AKAP19: variants seen among roughly 807,000 people sequenced by gnomAD.
AKAP19 encodes the protein A-kinase anchoring protein 19.
chr2:189,881,301 C>T, the AKAP19 span, among the ~76,000 whole-genome samples: 1 of 152,176 alleles, frequency 6.6e-6, no homozygotes, highest in Non-Finnish European at 1.5e-5. Flanking sequence ...GCCTCCCATT[C>T]TGTTCAGAGT....
At chr2:190,097,835 A>AACACAGTG in the AKAP19 span, among the ~76,000 whole-genome samples, 118 of 147,238 alleles carry the variant, frequency 8.0e-4, no homozygotes, top group African/African-American at 2.9e-3. Context: ...CAGCCTGAGC[A>AACACAGTG]ACACAGTGAG....
chr2:190,033,901 A>G, the AKAP19 span, among the ~76,000 whole-genome samples: 1 of 152,098 alleles, frequency 6.6e-6, no homozygotes, highest in Admixed American at 6.6e-5. Flanking sequence ...CTCCCCGCTC[A>G]TATCCAGTTT....
chr2:190,077,202 T>A, the AKAP19 span, among the ~76,000 whole-genome samples: 1 of 152,096 alleles, frequency 6.6e-6, no homozygotes, highest in South Asian at 2.1e-4. Flanking sequence ...TAAAGTTCTT[T>A]GCAAATTCCA....
the AKAP19 span, among the ~76,000 whole-genome samples, chr2:190,059,385 A>C: frequency 2.0e-5 from 3 of 151,944 alleles, no homozygotes; most frequent in Non-Finnish European, 4.4e-5. Context: ...AAATTTTTGC[A>C]CAAGAATGCT....
the AKAP19 span, among the ~76,000 whole-genome samples, chr2:190,143,225 G>GT: frequency 3.1e-4 from 42 of 135,130 alleles, no homozygotes; most frequent in South Asian, 1.6e-3. Flanking sequence ...GCTGCCTGGA[G>GT]TTTTTTTTAA....
At chr2:190,061,384 G>A in the AKAP19 span, among the ~76,000 whole-genome samples, 10,387 of 151,986 alleles carry the variant, frequency 0.068, 858 homozygotes, top group African/African-American at 0.2. Flanking sequence ...GGAATTGTAT[G>A]AAATATGTTA....
chr2:190,158,616 G>T, the AKAP19 span, among the ~76,000 whole-genome samples: 1 of 152,096 alleles, frequency 6.6e-6, no homozygotes, highest in African/African-American at 2.4e-5. Flanking sequence ...ATAGTATCAC[G>T]TTATCATTTA....
At chr2:189,923,810 G>A in the AKAP19 span, 1 of 1,611,878 alleles carries the variant, frequency 6.2e-7, no homozygotes, top group Non-Finnish European at 8.5e-7. Context: ...GGGCATAAGT[G>A]GCTTCAATTC....
At chr2:190,001,774 T>A in the AKAP19 span, among the ~76,000 whole-genome samples, 1 of 152,212 alleles carries the variant, frequency 6.6e-6, no homozygotes, top group East Asian at 1.9e-4. Context: ...AGGACCCTTT[T>A]AGTCTCCTAT....
the AKAP19 span, among the ~76,000 whole-genome samples, chr2:190,129,858 C>A: frequency 6.6e-6 from 1 of 152,092 alleles, no homozygotes; most frequent in South Asian, 2.1e-4. Context: ...GTGAGACAGG[C>A]CTTCTCTGTC....
chr2:189,932,733 A>C, the AKAP19 span, among the ~76,000 whole-genome samples: 8 of 151,306 alleles, frequency 5.3e-5, no homozygotes, highest in Non-Finnish European at 1.0e-4. Flanking sequence ...AGAATCCATT[A>C]CTATCATTAG....
the AKAP19 span, among the ~76,000 whole-genome samples, chr2:190,037,661 T>G: frequency 1.3e-5 from 2 of 152,204 alleles, no homozygotes; most frequent in Admixed American, 6.5e-5. Context: ...AAGGCTCAGC[T>G]AATACCCAAG....
chr2:189,994,392 T>C, the AKAP19 span, among the ~76,000 whole-genome samples: 6 of 151,910 alleles, frequency 3.9e-5, no homozygotes, highest in African/African-American at 1.5e-4. Flanking sequence ...GACCTTAAGA[T>C]TGTCTGTTTA....
At chr2:190,009,097 G>A in the AKAP19 span, among the ~76,000 whole-genome samples, 1 of 152,166 alleles carries the variant, frequency 6.6e-6, no homozygotes, top group Non-Finnish European at 1.5e-5. Context: ...GGAATAGCTA[G>A]AAGACCACTG....
the AKAP19 span, among the ~76,000 whole-genome samples, chr2:190,089,214 G>A: frequency 5.3e-5 from 8 of 151,850 alleles, no homozygotes; most frequent in East Asian, 1.5e-3. Context: ...ATTTCAACTA[G>A]GTTTTGTTGT....
At chr2:190,080,192 T>A in the AKAP19 span, among the ~76,000 whole-genome samples, 2 of 152,242 alleles carry the variant, frequency 1.3e-5, no homozygotes, top group South Asian at 4.1e-4. Context: ...TGTAGTTTTT[T>A]AAATAAATAT....
the AKAP19 span, among the ~76,000 whole-genome samples, chr2:189,970,900 T>C: frequency 6.6e-6 from 1 of 152,376 alleles, no homozygotes; most frequent in Middle Eastern, 3.4e-3. Flanking sequence ...TATCGCCCTA[T>C]GGCTGTAATT....
chr2:190,093,390 G>C, the AKAP19 span, among the ~76,000 whole-genome samples: 2 of 151,874 alleles, frequency 1.3e-5, no homozygotes, highest in African/African-American at 2.4e-5. Flanking sequence ...CCAAGATTGT[G>C]CCACTGCACT....
the AKAP19 span, among the ~76,000 whole-genome samples, chr2:189,902,999 T>C: frequency 6.6e-6 from 1 of 151,926 alleles, no homozygotes; most frequent in Non-Finnish European, 1.5e-5. Flanking sequence ...ATGAGGGAAA[T>C]AATTTGGATT....
Sources: gnomAD v4.1 joint callset for allele counts (sites outside exome capture counted in the v4.1 genomes callset) on GRCh38, gnomAD v4.1.1 for gene constraint, MANE v1.5 for transcripts, NCBI Gene and HGNC (gene_info 2026-07-23, HGNC 2026-07-21) for gene names.